The following CUL9 variants were observed in gnomAD, a reference collection of about 807,000 sequenced individuals.
CUL9 encodes the protein cullin-9.
A neutral mutation model predicts 272.6 loss-of-function variants in CUL9; 79 were observed. The observed-to-expected ratio is 0.29, with a 90% CI of 0.24 to 0.35. CUL9 has a LOEUF of 0.35. Ranked by LOEUF, CUL9 falls within the 10% of genes least tolerant of loss-of-function variation. The probability of loss-of-function intolerance (pLI) is 1.00; values close to 1 mark genes in which losing one functional copy is unlikely to be tolerated. For synonymous variants in CUL9, 1,186 were observed against 1,286.5 expected, an observed-to-expected ratio of 0.92 and a Z score of 1.67; for missense variants, 2,532 against 3,255.6, an observed-to-expected ratio of 0.78 and a Z score of 5.41.
chr6:43,200,578 C>T lies in CUL9; in HGVS notation c.3475+52C>T. The T allele has an allele frequency of 1.2e-6, 2 of 1,613,936 alleles. No individual in the cohort carries two copies. Among genetic ancestry groups the T allele is most frequent in the Non-Finnish European group, 1.7e-6 (2 of 1,179,832 alleles). ...GGCTCCCATCCAGTGTCTGTTCTCC[C>T]CTTCCCTTCCTGCTCCTTAGACCTT... On this transcript the variant is annotated intron_variant, in intron 15 of 40. Coordinates refer to ENST00000252050, the MANE Select transcript of CUL9 (RefSeq NM_015089.4). This position sits in a 1 kb window ranked among gnomAD's most constrained non-coding sequence, Gnocchi z 4.0.
In CUL9 at chr6:43,184,836, T is replaced by G; in HGVS notation, c.526T>G (p.Cys176Gly). Reference protein sequence around the residue: ...GALDLLMHMLCNPEPQIRRSA... With the variant: ...GALDLLMHMLGNPEPQIRRSA... ...CCTGGACCTGCTCATGCACATGTTA[T>G]GCAATCCTGAGCCTCAGATCCGCCG... The change falls in exon 2 of 41, where the codon TGC (cysteine) becomes GGC (glycine). Residue 176 changes from cysteine (C) to glycine (G), a missense_variant. By Grantham distance (159) the Cys-to-Gly change is radical. Around this residue, in one of 3 missense-constraint regions of CUL9, gnomAD observed 2,218 missense variants for 2,788.6 expected, o/e 0.80. Transcript: ENST00000252050. This position sits in a 1 kb window ranked among gnomAD's most constrained non-coding sequence, Gnocchi z 4.8. The G allele has an allele frequency of 6.2e-7, 1 of 1,611,568 alleles. No individual in the cohort carries two copies. The highest frequency in any genetic ancestry group is 8.5e-7 in the Non-Finnish European group (1 of 1,179,988).
intron 8 of CUL9, among the ~76,000 whole-genome samples, chr6:43,190,792 C>T (rs1363475337): frequency 7.9e-5 from 12 of 152,316 alleles, no homozygotes; most frequent in African/African-American, 2.2e-4. Context: ...TCTTTCCCCT[C>T]GTAGTTCCCG....
At position 43,222,854 on chromosome 6, in the gene CUL9, G is replaced by C; in HGVS notation, c.7108G>C (p.Glu2370Gln). Residue 2370 changes from glutamate (E) to glutamine (Q), a missense_variant, in exon 38 of 41, where the codon GAG becomes CAG. Coordinates refer to ENST00000252050, the MANE Select transcript of CUL9 (RefSeq NM_015089.4). The part of the protein sequence containing the change: ...EYMDVVEQQT[E>Q]NLELHTNALQ... ...CATGGATGTGGTGGAGCAGCAGACA[G>C]AGAACCTGGAGCTGCACACCAATGC... 6.2e-7 allele frequency: 1 copy of C among 1,613,960 alleles called. No homozygotes were observed. Among genetic ancestry groups the C allele is most frequent in the Admixed American group, 1.7e-5 (1 of 60,018 alleles).
intron 9 of CUL9, 146 bp from the exon 10 acceptor site, chr6:43,195,923 C>T: frequency 1.7e-6 from 1 of 588,404 alleles, no homozygotes; most frequent in Non-Finnish European, 3.0e-6. Context: ...TTTGATGTCC[C>T]ATCACTACCT....
chr6:43,207,557 T>G (rs563963838), intron 26 of CUL9, among the ~76,000 whole-genome samples: 1 of 152,336 alleles, frequency 6.6e-6, no homozygotes, highest in East Asian at 1.9e-4. Flanking sequence ...GTTCTGTAAG[T>G]TTTTATTACG....
chr6:43,194,965 G>A (rs1773873148), intron 9 of CUL9, among the ~76,000 whole-genome samples: 1 of 152,150 alleles, frequency 6.6e-6, no homozygotes, highest in African/African-American at 2.4e-5. Context: ...TGAGGCGGGA[G>A]AATCGCTTGA....
chr6:43,184,772 C>T lies in CUL9; in HGVS notation c.462C>T (p.Ser154=). The change falls in exon 2 of 41, where the codon AGC becomes AGT. Residue 154 remains serine (S), a synonymous_variant. Coordinates refer to ENST00000252050, the MANE Select transcript of CUL9 (RefSeq NM_015089.4). This position sits in a 1 kb window ranked among gnomAD's most constrained non-coding sequence, Gnocchi z 4.8. ...TCCACGTGCTCAGTGCCTACGCCAGCATCGGGCCCCTCACTGGTGTCTTCA... is the reference window on the plus strand; with the variant it reads ...TCCACGTGCTCAGTGCCTACGCCAGTATCGGGCCCCTCACTGGTGTCTTCA... ...HTIHVLSAYA[S]IGPLTGVFRE... The T allele has an allele frequency of 2.5e-6, 4 of 1,614,186 alleles. No homozygotes were observed. Among genetic ancestry groups the T allele is most frequent in the Non-Finnish European group, 3.4e-6 (4 of 1,180,054 alleles).
At position 43,200,145 on chromosome 6, in the gene CUL9, G is replaced by T; in HGVS notation, c.3373G>T (p.Gly1125Cys). 6.2e-7 allele frequency: 1 copy of T among 1,613,952 alleles called. No homozygotes were observed. The highest frequency in any genetic ancestry group is 1.1e-5 in the South Asian group (1 of 91,054). Residue 1125 changes from glycine (G) to cysteine (C), a missense_variant, in exon 14 of 41, where the codon GGC becomes TGC. Physicochemically the swap from Gly to Cys is radical, Grantham distance 159. Transcript: ENST00000252050. This position sits in a 1 kb window ranked among gnomAD's most constrained non-coding sequence, Gnocchi z 4.0. ...CAACCTCACCTCCAGCATCCTGGCCGGCTGCATTCAGGTGAGGAGCGGCTG... is the reference window on the plus strand; with the variant it reads ...CAACCTCACCTCCAGCATCCTGGCCTGCTGCATTCAGGTGAGGAGCGGCTG... ...YSNLTSSILA[G>C]CIQMVLGQIE...
In CUL9 at chr6:43,202,825, G is replaced by A. The variant is rs113288703; in HGVS notation, c.3753+4G>A. 6.4e-4 allele frequency: 1,030 copies of A among 1,613,432 alleles called. 2 individuals are homozygous for A. The highest frequency in any genetic ancestry group is 6.0e-4 in the Non-Finnish European group (709 of 1,179,560). On this transcript the variant is annotated splice_donor_region_variant and intron_variant, in intron 17 of 40. Coordinates refer to ENST00000252050, the MANE Select transcript of CUL9 (RefSeq NM_015089.4). Reference sequence around the variant, plus strand: ...CATCGGCACTGAGCTCAACACGGTGGGGACCCTTGTGCCCACCTTCACCTT... The same window carrying A: ...CATCGGCACTGAGCTCAACACGGTGAGGACCCTTGTGCCCACCTTCACCTT...
chr6:43,193,979 A>C (rs1773762369), intron 9 of CUL9, among the ~76,000 whole-genome samples: 1 of 152,174 alleles, frequency 6.6e-6, no homozygotes, highest in Admixed American at 6.5e-5. Context: ...CTCTGTTACT[A>C]GATTTGGGTA....
chr6:43,214,996 A>C, intron 29 of CUL9, 83 bp from the exon 30 acceptor site: 1 of 1,477,084 alleles, frequency 6.8e-7, no homozygotes, highest in Non-Finnish European at 9.1e-7. Flanking sequence ...GGGGGGGAAA[A>C]ATAAGTGGCA....
At position 43,203,567 on chromosome 6, in the gene CUL9, C is replaced by T. The variant is rs200066295; in HGVS notation, c.4000C>T (p.Arg1334Trp). The T allele has an allele frequency of 2.9e-5, 47 of 1,613,588 alleles. No homozygotes were observed. Among genetic ancestry groups the T allele is most frequent in the South Asian group, 1.3e-4 (12 of 91,058 alleles). ...GAGCCGGGACATAGCAGAGGACCACCGGCGCCTCCTCCAGCTCTGTCCCAG... is the reference window on the plus strand; with the variant it reads ...GAGCCGGGACATAGCAGAGGACCACTGGCGCCTCCTCCAGCTCTGTCCCAG... ...AWSRDIAEDH[R>W]RLLQLCPRLN... The change falls in exon 19 of 41, where the codon CGG becomes TGG. Residue 1334 changes from arginine to tryptophan, a missense_variant. Around this residue, in one of 3 missense-constraint regions of CUL9, gnomAD observed 2,218 missense variants for 2,788.6 expected, o/e 0.80. Transcript: ENST00000252050. This position sits in a 1 kb window ranked among gnomAD's most constrained non-coding sequence, Gnocchi z 5.0.
At chr6:43,202,618 C>T (rs964544969) in intron 16 of CUL9, 98 bp from the exon 17 acceptor site, 24 of 974,572 alleles carry the variant, frequency 2.5e-5, no homozygotes, top group Admixed American at 6.9e-5. Context: ...TAGCCTCAAG[C>T]GATCCTCCCA....
At chr6:43,188,378 C>T (rs1773116683) in intron 7 of CUL9, 145 bp from the exon 8 acceptor site, 1 of 874,246 alleles carries the variant, frequency 1.1e-6, no homozygotes, top group Non-Finnish European at 1.7e-6. Flanking sequence ...CATTAGATCC[C>T]TGACACAGAA....
chr6:43,210,791 C>T (rs1156994450), intron 26 of CUL9, among the ~76,000 whole-genome samples: 1 of 151,922 alleles, frequency 6.6e-6, no homozygotes, highest in Non-Finnish European at 1.5e-5. Flanking sequence ...TTGACTGTTT[C>T]TAACTTCTTA....
At position 43,203,100 on chromosome 6, in the gene CUL9, C is replaced by A; in HGVS notation, c.3754-9C>A. The A allele has an allele frequency of 6.2e-7, 1 of 1,612,778 alleles. No homozygotes were observed. The highest frequency in any genetic ancestry group is 8.5e-7 in the Non-Finnish European group (1 of 1,179,864). On this transcript the variant is annotated splice_polypyrimidine_tract_variant and intron_variant, in intron 17 of 40. Coordinates refer to ENST00000252050, the MANE Select transcript of CUL9 (RefSeq NM_015089.4). This position sits in a 1 kb window ranked among gnomAD's most constrained non-coding sequence, Gnocchi z 5.0. ...ACAGTTCTCTCCCTCTTCTCCCCTG[C>A]CCTACCAGGTGAATGTGATGCCCTC...
At position 43,204,741 on chromosome 6, in the gene CUL9, T is replaced by A. The variant is rs1295916840; in HGVS notation, c.4340-7T>A. The stretch of plus-strand genomic sequence containing the variant: ...GAAACCCCTTCCTTCTCCCTCTGTC[T>A]CTACAGTCAGCAAGAACAGCAAGGG... On this transcript the variant is annotated splice_region_variant and splice_polypyrimidine_tract_variant and intron_variant, in intron 21 of 40. Transcript: ENST00000252050. 1.2e-6 allele frequency: 2 copies of A among 1,613,786 alleles called. No individual in the cohort carries two copies. The highest frequency in any genetic ancestry group is 2.7e-5 in the African/African-American group (2 of 74,930).
At position 43,196,654 on chromosome 6, in the gene CUL9, T is replaced by C. The variant is rs768191656; in HGVS notation, c.2595T>C (p.Ser865=). ...ACCTCCCTCCTCCCAGGTGCTCTTC[T>C]GCAGCGAGAAATGGCTTACTCCTGC... ...ILMLNTEGCS[S]AARNGLLLLN... Residue 865 remains serine, a synonymous_variant, in exon 11 of 41, where the codon TCT becomes TCC. Transcript: ENST00000252050. 9 of 1,614,034 alleles carry C rather than the reference T, an allele frequency of 5.6e-6. No individual in the cohort carries two copies. Among genetic ancestry groups the C allele is most frequent in the Non-Finnish European group, 7.6e-6 (9 of 1,179,962 alleles).
chr6:43,216,079 T>TG, intron 30 of CUL9, 79 bp from the exon 31 acceptor site: 1 of 1,353,752 alleles, frequency 7.4e-7, no homozygotes, highest in Non-Finnish European at 1.0e-6. Context: ...AAGAGGGAGC[T>TG]GGGGGCCAGG....
Sources: allele counts gnomAD v4.1 joint callset (sites outside exome capture counted in the v4.1 genomes callset), GRCh38; gene constraint gnomAD v4.1.1; regional missense constraint gnomAD v4.1.1; non-coding constraint Gnocchi (gnomAD v3.1); transcripts MANE v1.5; gene names NCBI Gene and HGNC (gene_info 2026-07-23, HGNC 2026-07-21).